TRIM62: variants seen among roughly 807,000 people sequenced by gnomAD.
TRIM62 encodes E3 ubiquitin-protein ligase TRIM62.
A neutral mutation model predicts 44.2 loss-of-function variants in TRIM62; 39 were observed. The observed-to-expected ratio is 0.88, with a 90% CI of 0.68 to 1.15. TRIM62 has a LOEUF of 1.15. Ranked by LOEUF, TRIM62 falls within the 50% of genes most tolerant of loss-of-function variation. The pLI is 0.00. For missense variants in TRIM62, 544 were observed against 665.5 expected (o/e 0.82, Z 2.01); for synonymous variants, 278 against 292.3 (o/e 0.95, Z 0.50).
In TRIM62 at chr1:33,146,864, G is replaced by A; in HGVS notation, c.*313C>T. The A allele has an allele frequency of 2.7e-6, 1 of 377,268 alleles. No homozygotes were observed. Among genetic ancestry groups the A allele is most frequent in the Non-Finnish European group, 4.9e-6 (1 of 203,848 alleles). The allele number at this position is 377,268 out of a possible 1,614,324, so 23.4% of individuals were successfully genotyped here. On this transcript the variant is annotated 3_prime_UTR_variant, in exon 5 of 5. Coordinates refer to ENST00000291416, the MANE Select transcript of TRIM62 (RefSeq NM_018207.3). ...AGGGCTGGGCTGGAGGGAGACACTG[G>A]AAGGTAGTCCCCTGCCCCTGAGAAG...
At chr1:33,149,185 C>T (rs548128501) in intron 4 of TRIM62, among the ~76,000 whole-genome samples, 1 of 152,300 alleles carries the variant, frequency 6.6e-6, no homozygotes, top group East Asian at 1.9e-4. Context: ...CAGAGTCTTG[C>T]TTTATCCCCC....
chr1:33,172,785 C>T (rs530534005), intron 1 of TRIM62, among the ~76,000 whole-genome samples: 1 of 152,290 alleles, frequency 6.6e-6, no homozygotes, highest in South Asian at 2.1e-4. Flanking sequence ...CCATCCCTCC[C>T]TCTGGTCCAG....
At chr1:33,179,995 TG>T (rs1456446218) in intron 1 of TRIM62, among the ~76,000 whole-genome samples, 3 of 152,154 alleles carry the variant, frequency 2.0e-5, no homozygotes, top group African/African-American at 7.2e-5. Flanking sequence ...TGTTTTTGTT[TG>T]TTTGTTTGTT....
Position 33,161,541 on chromosome 1 carries a change from G to A in TRIM62, c.505-1597C>T, listed in dbSNP as rs1469861511. Among the ~76,000 whole-genome samples, 6 of 152,142 alleles carry A rather than the reference G, an allele frequency of 3.9e-5. No homozygotes were observed. Among genetic ancestry groups the A allele is most frequent in the African/African-American group, 1.2e-4 (5 of 41,432 alleles). On this transcript the variant is annotated intron_variant, in intron 2 of 4. Coordinates refer to ENST00000291416, the MANE Select transcript of TRIM62 (RefSeq NM_018207.3). This position sits in a 1 kb window ranked among gnomAD's most constrained non-coding sequence, Gnocchi z 4.3. Reference sequence around the variant, plus strand: ...CTGGCCTGCAGGAAGAACTGCTGGCGGTGGGCCAGCCTCGCTGCGCATGCC... The same window carrying A: ...CTGGCCTGCAGGAAGAACTGCTGGCAGTGGGCCAGCCTCGCTGCGCATGCC...
intron 1 of TRIM62, among the ~76,000 whole-genome samples, chr1:33,172,615 T>C (rs529582716): frequency 7.2e-5 from 11 of 152,236 alleles, no homozygotes; most frequent in African/African-American, 2.4e-4. Flanking sequence ...CTGTGGAGTC[T>C]GCGCAGCCCT....
chr1:33,146,851 GA>G lies in TRIM62; in HGVS notation c.*325del. The G allele has an allele frequency of 2.6e-6, 1 of 384,346 alleles. No homozygotes were observed. The highest frequency in any genetic ancestry group is 4.8e-6 in the Non-Finnish European group (1 of 206,560). The allele number at this position is 384,346 out of a possible 1,614,324, so 23.8% of individuals were successfully genotyped here. Reference sequence around the variant, plus strand: ...ACTTCCTGAGGTCAGGGCTGGGCTGGAGGGAGACACTGGAAGGTAGTCCCCT... The same window carrying G: ...ACTTCCTGAGGTCAGGGCTGGGCTGGGGGAGACACTGGAAGGTAGTCCCCT... On this transcript the variant is annotated 3_prime_UTR_variant, in exon 5 of 5. Coordinates refer to ENST00000291416, the MANE Select transcript of TRIM62 (RefSeq NM_018207.3).
intron 1 of TRIM62, among the ~76,000 whole-genome samples, chr1:33,172,628 G>A (rs1025370351): frequency 2.0e-5 from 3 of 152,164 alleles, no homozygotes; most frequent in Non-Finnish European, 4.4e-5. Context: ...GCAGCCCTGA[G>A]CACACAGTTA....
chr1:33,169,762 C>T (rs1385857205), intron 1 of TRIM62, among the ~76,000 whole-genome samples: 1 of 152,226 alleles, frequency 6.6e-6, no homozygotes, highest in African/African-American at 2.4e-5. Flanking sequence ...GCACTGGCCA[C>T]ATTTCAAGTG....
intron 1 of TRIM62, among the ~76,000 whole-genome samples, chr1:33,168,073 T>C (rs1482432676): frequency 6.6e-6 from 1 of 151,928 alleles, no homozygotes; most frequent in Non-Finnish European, 1.5e-5. Context: ...CAGTGTGAGA[T>C]GGAGGGGACT....
At chr1:33,172,870 T>C (rs1645384847) in intron 1 of TRIM62, among the ~76,000 whole-genome samples, 1 of 152,172 alleles carries the variant, frequency 6.6e-6, no homozygotes, top group African/African-American at 2.4e-5. Context: ...TGTGTTCAAA[T>C]CCTGACAGCA....
At position 33,159,791 on chromosome 1, in the gene TRIM62, G is replaced by GGCTGTA. The variant is rs1557755079; in HGVS notation, c.652_657dup (p.Tyr218_Ser219dup). On this transcript the variant is annotated inframe_insertion, in exon 3 of 5. Coordinates refer to ENST00000291416, the MANE Select transcript of TRIM62 (RefSeq NM_018207.3). The surrounding 1 kb of genome is among the most constrained non-coding windows in gnomAD (Gnocchi z 4.2). ...CCCTCCTGGACCTTGCGCAGCTGCT[G>GGCTGTA]GCTGTAGCGCTGGACTTTCTGCTCG... 6.2e-7 allele frequency: 1 copy of GGCTGTA among 1,613,884 alleles called. No individual in the cohort carries two copies. The highest frequency in any genetic ancestry group is 2.2e-5 in the East Asian group (1 of 44,882).
chr1:33,178,500 A>G (rs1334516241), intron 1 of TRIM62, among the ~76,000 whole-genome samples: 1 of 152,116 alleles, frequency 6.6e-6, no homozygotes, highest in Non-Finnish European at 1.5e-5. Context: ...CTGGGCATTC[A>G]CTCAGCTGGG....
chr1:33,152,684 C>A (rs189039393), intron 4 of TRIM62, among the ~76,000 whole-genome samples: 5 of 151,648 alleles, frequency 3.3e-5, no homozygotes, highest in African/African-American at 1.2e-4. Flanking sequence ...TTATTACAAA[C>A]AAATAATTTA....
chr1:33,149,264 T>C (rs1020021319), intron 4 of TRIM62, among the ~76,000 whole-genome samples: 1 of 152,242 alleles, frequency 6.6e-6, no homozygotes, highest in Non-Finnish European at 1.5e-5. Context: ...GTGATTCTCA[T>C]GCCTCAGCCT....
chr1:33,181,468 CA>C lies in TRIM62; in HGVS notation c.-37del, dbSNP rs1381925592. On this transcript the variant is annotated 5_prime_UTR_variant, in exon 1 of 5. Transcript: ENST00000291416. This position sits in a 1 kb window ranked among gnomAD's most constrained non-coding sequence, Gnocchi z 6.5. ...GCAGCAGAGAGGGGGGCCCGAGGGGCAGGGGGGCGGCTGAGAGAGCGCGGCG... is the reference window on the plus strand; with the variant it reads ...GCAGCAGAGAGGGGGGCCCGAGGGGCGGGGGGCGGCTGAGAGAGCGCGGCG... The C allele has an allele frequency of 1.9e-6, 3 of 1,547,748 alleles. No individual in the cohort carries two copies. In the Admixed American group the frequency reaches 6.0e-5, roughly 31 times the overall value.
chr1:33,161,922 C>G lies in TRIM62; in HGVS notation c.505-1978G>C, dbSNP rs1645274074. Among the ~76,000 whole-genome samples, 1 of 152,180 alleles carries G rather than the reference C, an allele frequency of 6.6e-6. No individual in the cohort carries two copies. The highest frequency in any genetic ancestry group is 2.1e-4 in the South Asian group (1 of 4,820). On this transcript the variant is annotated intron_variant, in intron 2 of 4. Transcript: ENST00000291416. The surrounding 1 kb of genome is among the most constrained non-coding windows in gnomAD (Gnocchi z 4.3). ...CCAGGTCAGCGCCTTCCATCCTCAC[C>G]CTGAACACCTGCCCCCATTTTCAAC...
Position 33,177,374 on chromosome 1 carries a change from C to T in TRIM62, c.408+3651G>A, listed in dbSNP as rs144572749. Among the ~76,000 whole-genome samples the T allele has an allele frequency of 2.0e-5, 3 of 152,250 alleles. No individual in the cohort carries two copies. Among genetic ancestry groups the T allele is most frequent in the African/African-American group, 7.2e-5 (3 of 41,546 alleles). The stretch of plus-strand genomic sequence containing the variant: ...TCCCTAACCCTTACAACATCCTTCC[C>T]AGGAACATCATATCCTCTTGTTATA... On this transcript the variant is annotated intron_variant, in intron 1 of 4. Coordinates refer to ENST00000291416, the MANE Select transcript of TRIM62 (RefSeq NM_018207.3). This position sits in a 1 kb window ranked among gnomAD's most constrained non-coding sequence, Gnocchi z 4.1.
At position 33,147,770 on chromosome 1, in the gene TRIM62, G is replaced by T; in HGVS notation, c.878-43C>A. 1 of 1,579,046 alleles carries T rather than the reference G, an allele frequency of 6.3e-7. No individual in the cohort carries two copies. Among genetic ancestry groups the T allele is most frequent in the Non-Finnish European group, 8.6e-7 (1 of 1,159,910 alleles). ...GGGAGAGAAGATGAGTGGGGAGAAG[G>T]CTGTGGACCCACCATGCAGTGCCTT... is the stretch of plus-strand genomic sequence containing the variant. On this transcript the variant is annotated intron_variant, in intron 4 of 4. Transcript: ENST00000291416. The surrounding 1 kb of genome is among the most constrained non-coding windows in gnomAD (Gnocchi z 8.1).
At chr1:33,154,067 G>A (rs1465371426) in intron 4 of TRIM62, among the ~76,000 whole-genome samples, 1 of 152,210 alleles carries the variant, frequency 6.6e-6, no homozygotes, top group African/African-American at 2.4e-5. Flanking sequence ...AAAGACTAAG[G>A]ATTGTGTAGA....
Sources: allele counts gnomAD v4.1 joint callset (sites outside exome capture counted in the v4.1 genomes callset), GRCh38; gene constraint gnomAD v4.1.1; non-coding constraint Gnocchi (gnomAD v3.1); transcripts MANE v1.5; gene names NCBI Gene and HGNC (gene_info 2026-07-23, HGNC 2026-07-21).